SCN9A: variants seen among roughly 807,000 people sequenced by gnomAD.
The protein encoded by SCN9A is sodium channel protein type 9 subunit alpha.
SCN9A carries 131 observed loss-of-function variants against 187.0 expected under a neutral mutation model. That is an observed-to-expected ratio of 0.70 (90% CI 0.61 to 0.81). SCN9A has a LOEUF of 0.81. SCN9A is among the 30% of genes least tolerant of loss of function. SCN9A has a pLI of 0.00. For synonymous variants in SCN9A, 809 were observed against 808.6 expected, an observed-to-expected ratio of 1.00 and a Z score of -0.01; for missense variants, 2,252 against 2,396.6, an observed-to-expected ratio of 0.94 and a Z score of 1.26.
At chr2:166,266,851 ATTAT>A (rs1185358163) in intron 17 of SCN9A, among the ~76,000 whole-genome samples, 3 of 151,412 alleles carry the variant, frequency 2.0e-5, no homozygotes, top group African/African-American at 4.9e-5. Context: ...TTATTTTCAG[ATTAT>A]TTGTTGTTAA....
intron 1 of SCN9A, among the ~76,000 whole-genome samples, chr2:166,366,790 T>C (rs1700427541): frequency 6.6e-6 from 1 of 152,184 alleles, no homozygotes; most frequent in Non-Finnish European, 1.5e-5. Context: ...AGACGTATCA[T>C]AGAACTCAAG....
Position 166,306,577 on chromosome 2 carries a change from A to T in SCN9A, c.400T>A (p.Cys134Ser), listed in dbSNP as rs779079123. 1 of 1,580,280 alleles carries T rather than the reference A, an allele frequency of 6.3e-7. No individual in the cohort carries two copies. ...VHSLFSMLIM[C>S]TILTNCIFMT... ...AATATGCAGTTTGTCAGAATAGTGCACATGATGAGCATGCTGAATAAGGTA... is the reference window on the plus strand; with the variant it reads ...AATATGCAGTTTGTCAGAATAGTGCTCATGATGAGCATGCTGAATAAGGTA... Residue 134 changes from cysteine (C) to serine (S), a missense_variant, in exon 4 of 27, where the codon TGC (cysteine) becomes AGC (serine). By Grantham distance (112) the Cys-to-Ser change is moderately radical (BLOSUM62 -1). Transcript: ENST00000642356.
At chr2:166,317,947 A>G (rs1380614707) in intron 1 of SCN9A, among the ~76,000 whole-genome samples, 1 of 152,234 alleles carries the variant, frequency 6.6e-6, no homozygotes, top group Non-Finnish European at 1.5e-5. Flanking sequence ...TGAGAATGTT[A>G]GAATTTCTTT....
rs1042660634 is a variant in SCN9A at position 166,203,855 on chromosome 2, A to G, written c.4774+100T>C. On this transcript the variant is annotated intron_variant, in intron 26 of 26. Coordinates refer to ENST00000642356, the MANE Select transcript of SCN9A (RefSeq NM_001365536.1). ...TTCTTTCATTGTACTGACTTACTCAAGAGTAAATTTGTGTTCAAGAATTCA... is the reference window on the plus strand; with the variant it reads ...TTCTTTCATTGTACTGACTTACTCAGGAGTAAATTTGTGTTCAAGAATTCA... The G allele has an allele frequency of 2.9e-5, 21 of 725,070 alleles. No individual in the cohort carries two copies. The African/African-American group carries it at 3.2e-4, about 11-fold the overall frequency. The allele number at this position is 725,070 out of a possible 1,614,324, so 44.9% of individuals were successfully genotyped here. A position where few individuals can be genotyped will look rare whatever the true frequency, so the allele number is the denominator to read the frequency against.
chr2:166,338,885 C>T (rs1699696820), intron 1 of SCN9A, among the ~76,000 whole-genome samples: 1 of 152,052 alleles, frequency 6.6e-6, no homozygotes, highest in Admixed American at 6.6e-5. Flanking sequence ...GGTAACACAG[C>T]TGTGTGTAGC....
chr2:166,319,963 T>TCC (rs1699198470), intron 1 of SCN9A, among the ~76,000 whole-genome samples: 1 of 151,970 alleles, frequency 6.6e-6, no homozygotes, highest in South Asian at 2.1e-4. Flanking sequence ...ACCCATAGAA[T>TCC]TACTTAGAAA....
In SCN9A at chr2:166,258,256, A is replaced by G. The variant is rs868141042; in HGVS notation, c.3352-6371T>C. ...TTTTAATACATTTTAGAAATATTCAATAAGGCAATACATATTAATCTGTAT... is the reference window on the plus strand; with the variant it reads ...TTTTAATACATTTTAGAAATATTCAGTAAGGCAATACATATTAATCTGTAT... On this transcript the variant is annotated intron_variant, in intron 17 of 26. Transcript: ENST00000642356. 9.2e-5 allele frequency among the ~76,000 whole-genome samples: 14 copies of G among 151,656 alleles called. 1 individual carries two copies. Among genetic ancestry groups the G allele is most frequent in the Middle Eastern group, 6.8e-3 (2 of 294 alleles).
chr2:166,233,655 C>T (rs1053253028), intron 20 of SCN9A, among the ~76,000 whole-genome samples, 193 bp from the exon 21 acceptor site: 7 of 151,852 alleles, frequency 4.6e-5, no homozygotes, highest in African/African-American at 1.7e-4. Context: ...AGAAGGTTAA[C>T]CAAAATAAGA....
intron 1 of SCN9A, among the ~76,000 whole-genome samples, chr2:166,324,158 G>T (rs1699308533): frequency 6.6e-6 from 1 of 151,724 alleles, no homozygotes; most frequent in Admixed American, 6.6e-5. Flanking sequence ...GCCAGGTGTG[G>T]TGTGGGCGCC....
intron 1 of SCN9A, among the ~76,000 whole-genome samples, chr2:166,364,780 C>T (rs927485975): frequency 6.6e-6 from 1 of 152,040 alleles, no homozygotes; most frequent in East Asian, 1.9e-4. Context: ...CATGAATGTG[C>T]TTAATACCTC....
intron 1 of SCN9A, among the ~76,000 whole-genome samples, chr2:166,351,698 G>T (rs553362365): frequency 3.6e-4 from 55 of 152,170 alleles, no homozygotes; most frequent in African/African-American, 1.3e-3. Context: ...TTGGGGGTTG[G>T]GTAGATTCAC....
At chr2:166,220,127 C>T (rs1166216393) in intron 24 of SCN9A, among the ~76,000 whole-genome samples, 1 of 151,980 alleles carries the variant, frequency 6.6e-6, no homozygotes, top group African/African-American at 2.4e-5. Context: ...ATATGCAGAC[C>T]AATAATGTGA....
intron 1 of SCN9A, among the ~76,000 whole-genome samples, chr2:166,313,697 T>C (rs994706016): frequency 2.0e-5 from 3 of 152,228 alleles, no homozygotes; most frequent in Non-Finnish European, 4.4e-5. Context: ...TTATCATTCA[T>C]GTGTTCACTG....
At position 166,286,640 on chromosome 2, in the gene SCN9A, G is replaced by A. The variant is rs564513824; in HGVS notation, c.1315-17C>T. ...TGCAATTGCCTGGTTGGGCCAAGAC[G>A]TTAACACTTAAATGAGTCATTTCCA... On this transcript the variant is annotated splice_polypyrimidine_tract_variant and intron_variant, in intron 10 of 26. Coordinates refer to ENST00000642356, the MANE Select transcript of SCN9A (RefSeq NM_001365536.1). The A allele has an allele frequency of 2.7e-6, 4 of 1,500,830 alleles. No homozygotes were observed. The East Asian group carries it at 9.3e-5, about 35-fold the overall frequency. 93.0% of individuals were successfully genotyped at this position (1,500,830 alleles called of 1,614,324 possible).
chr2:166,351,866 T>C (rs1170243358), intron 1 of SCN9A, among the ~76,000 whole-genome samples: 1 of 152,202 alleles, frequency 6.6e-6, no homozygotes, highest in African/African-American at 2.4e-5. Flanking sequence ...ATCATCAACC[T>C]GATACCATCT....
chr2:166,289,168 G>A (rs1158396189), intron 9 of SCN9A, among the ~76,000 whole-genome samples: 2 of 151,238 alleles, frequency 1.3e-5, no homozygotes, highest in African/African-American at 4.9e-5. Flanking sequence ...ATAGTTTTAG[G>A]ATTAGAGGAA....
intron 24 of SCN9A, among the ~76,000 whole-genome samples, chr2:166,207,711 G>C (rs1352338005): frequency 1.3e-5 from 2 of 152,164 alleles, no homozygotes; most frequent in Non-Finnish European, 2.9e-5. Flanking sequence ...AAAGTGCTGG[G>C]ATTACAGGCG....
chr2:166,350,516 A>AT (rs937281442), intron 1 of SCN9A, among the ~76,000 whole-genome samples: 2 of 152,240 alleles, frequency 1.3e-5, no homozygotes, highest in Admixed American at 1.3e-4. Flanking sequence ...ATTAGTATGC[A>AT]TAGGGGTATA....
intron 1 of SCN9A, among the ~76,000 whole-genome samples, chr2:166,349,569 C>G (rs1200646025): frequency 6.6e-6 from 1 of 152,124 alleles, no homozygotes; most frequent in Admixed American, 6.6e-5. Flanking sequence ...ACTGTTAATT[C>G]TGAAAATTAG....
Sources: gnomAD v4.1 joint callset for allele counts (sites outside exome capture counted in the v4.1 genomes callset) on GRCh38, gnomAD v4.1.1 for gene constraint, MANE v1.5 for transcripts, NCBI Gene and HGNC (gene_info 2026-07-23, HGNC 2026-07-21) for gene names.